MTMR3: variants seen among roughly 807,000 people sequenced by gnomAD.
The protein encoded by MTMR3 is myotubularin related protein 3.
In MTMR3, 32 loss-of-function variants were observed where a neutral mutation model predicts 132.4. That is an observed-to-expected ratio of 0.24 (90% CI 0.18 to 0.32). The LOEUF (loss-of-function observed/expected upper bound fraction) is 0.32, where lower values mean the gene tolerates loss of function less well. Ranked by LOEUF, MTMR3 falls within the 10% of genes least tolerant of loss-of-function variation. The pLI is 1.00. For missense variants in MTMR3, 1,216 were observed against 1,489.6 expected, an observed-to-expected ratio of 0.82 and a Z score of 3.02; for synonymous variants, 556 against 550.3, an observed-to-expected ratio of 1.01 and a Z score of -0.14.
chr22:30,012,628 A>C, intron 13 of MTMR3, 65 bp downstream of exon 13: 1 of 1,467,974 alleles, frequency 6.8e-7, no homozygotes, highest in Admixed American at 2.4e-5. Flanking sequence ...CTCAGGAGTG[A>C]TACCAGTTTT....
intron 4 of MTMR3, 33 bp downstream of exon 4, chr22:29,978,564 T>C: frequency 6.6e-7 from 1 of 1,519,006 alleles, no homozygotes; most frequent in Non-Finnish European, 9.1e-7. Flanking sequence ...TGTAAAATAT[T>C]TATTTAGCAT....
At chr22:29,886,094 G>A (rs555254118) in intron 1 of MTMR3, among the ~76,000 whole-genome samples, 4 of 152,238 alleles carry the variant, frequency 2.6e-5, no homozygotes, top group African/African-American at 9.6e-5. Flanking sequence ...TGTGCCCTCA[G>A]ATATTTTTTA....
chr22:29,930,832 T>C (rs2065627593), intron 1 of MTMR3, among the ~76,000 whole-genome samples: 1 of 152,036 alleles, frequency 6.6e-6, no homozygotes, highest in African/African-American at 2.4e-5. Context: ...GAGACCTGTC[T>C]CTACAAAAAT....
chr22:29,976,824 GTTAGTAAAACC>G (rs2066638560), intron 3 of MTMR3, among the ~76,000 whole-genome samples: 1 of 152,294 alleles, frequency 6.6e-6, no homozygotes, highest in African/African-American at 2.4e-5. Context: ...TATGGTTGCT[GTTAGTAAAACC>G]TTAAGTGTTG....
intron 1 of MTMR3, among the ~76,000 whole-genome samples, chr22:29,954,316 C>G (rs1245730518): frequency 6.6e-6 from 1 of 151,644 alleles, no homozygotes; most frequent in African/African-American, 2.4e-5. Context: ...GTTGTATAGG[C>G]TGGTCTCAAG....
rs1278846365 is a variant in MTMR3 at position 30,019,820 on chromosome 22, C to T, written c.2161C>T (p.Pro721Ser). The T allele has an allele frequency of 3.7e-6, 6 of 1,614,162 alleles. No individual in the cohort carries two copies. Among genetic ancestry groups the T allele is most frequent in the Non-Finnish European group, 5.1e-6 (6 of 1,180,028 alleles). Residue 721 changes from proline to serine, a missense_variant, in exon 17 of 20, where the codon CCT becomes TCT. Pro to Ser is a moderately conservative substitution (Grantham distance 74). Around this residue, in one of 7 missense-constraint regions of MTMR3, gnomAD observed 852 missense variants for 852.0 expected, o/e 1.00. Transcript: ENST00000401950. ...GIEIQEGKEDPLLEKESRRKT... is the reference protein window; with the variant it reads ...GIEIQEGKEDSLLEKESRRKT... ...TGAGATACAGGAGGGTAAAGAGGAC[C>T]CTCTCTTAGAAAAGGAGAGCAGGAG...
chr22:29,962,713 C>G (rs2066335479), intron 2 of MTMR3, among the ~76,000 whole-genome samples: 1 of 152,122 alleles, frequency 6.6e-6, no homozygotes, highest in Non-Finnish European at 1.5e-5. Flanking sequence ...CTGTCAACCT[C>G]TCTTACCGTC....
At chr22:29,949,520 A>C (rs566572285) in intron 1 of MTMR3, among the ~76,000 whole-genome samples, 17 of 145,356 alleles carry the variant, frequency 1.2e-4, no homozygotes, top group African/African-American at 3.8e-4. Context: ...AAAAAAAAAA[A>C]ACAACACACG....
chr22:29,915,466 G>C (rs1003750368), intron 1 of MTMR3, among the ~76,000 whole-genome samples: 1 of 152,056 alleles, frequency 6.6e-6, no homozygotes, highest in African/African-American at 2.4e-5. Context: ...CTGCCACCCA[G>C]GCTGGAGTGC....
chr22:29,922,664 T>C (rs781124147), intron 1 of MTMR3, among the ~76,000 whole-genome samples: 9 of 152,182 alleles, frequency 5.9e-5, no homozygotes, highest in Non-Finnish European at 1.2e-4. Flanking sequence ...TCCTTTTGGG[T>C]ATATACCGAG....
chr22:30,004,236 T>G (rs184938323), intron 9 of MTMR3: 10 of 152,320 alleles, frequency 6.6e-5, no homozygotes, highest in Admixed American at 5.2e-4. Flanking sequence ...TAGAGAGTAG[T>G]GAAAGCTGAA....
Position 29,950,772 on chromosome 22 carries a change from G to A in MTMR3, c.-137-6264G>A, listed in dbSNP as rs778399182. Among the ~76,000 whole-genome samples the A allele has an allele frequency of 8.7e-5, 12 of 137,242 alleles. No individual in the cohort carries two copies. In the East Asian group the frequency reaches 2.1e-3, roughly 24 times the overall value. The allele number at this position is 137,242 out of a possible 152,430, so 90.0% of individuals were successfully genotyped here. A position where few individuals can be genotyped will look rare whatever the true frequency, so the allele number is the denominator to read the frequency against. On this transcript the variant is annotated intron_variant, in intron 1 of 19. Coordinates refer to ENST00000401950, the MANE Select transcript of MTMR3 (RefSeq NM_021090.4). ...TGCCTACCTTGTGATATTTCATAGA[G>A]GACATAGATTCAGAAAATAACTTTA... is the stretch of plus-strand genomic sequence containing the variant.
intron 7 of MTMR3, chr22:29,993,313 T>A (rs1481692089): frequency 6.6e-6 from 1 of 152,376 alleles, no homozygotes; most frequent in South Asian, 2.1e-4. Flanking sequence ...TCATTTTTTA[T>A]GGCTCTTTTC....
At chr22:29,980,256 A>G (rs1369040761) in intron 5 of MTMR3, 1 of 151,612 alleles carries the variant, frequency 6.6e-6, no homozygotes, top group Non-Finnish European at 1.5e-5. Context: ...TCTTATTATC[A>G]TTCTTCTTTG....
chr22:29,976,732 C>T (rs1363631749), intron 3 of MTMR3, among the ~76,000 whole-genome samples: 2 of 152,078 alleles, frequency 1.3e-5, no homozygotes, highest in Admixed American at 6.6e-5. Flanking sequence ...GTTTTGACCT[C>T]GCAGGGCCCC....
chr22:30,002,721 G>A (rs1169664544), intron 8 of MTMR3, 159 bp from the exon 9 acceptor site: 5 of 574,530 alleles, frequency 8.7e-6, no homozygotes, highest in Non-Finnish European at 1.6e-5. Context: ...CTGTTGAGGA[G>A]TCCAAAACTC....
chr22:29,956,301 C>T (rs1011620673), intron 1 of MTMR3, among the ~76,000 whole-genome samples: 1 of 152,086 alleles, frequency 6.6e-6, no homozygotes, highest in African/African-American at 2.4e-5. Context: ...GGCTGGAGTG[C>T]AGTGGCGTGA....
At chr22:29,982,421 TC>T (rs2066767510) in intron 5 of MTMR3, 1 of 151,960 alleles carries the variant, frequency 6.6e-6, no homozygotes, top group Non-Finnish European at 1.5e-5. Context: ...CCTCTTTCCT[TC>T]CCTTAGCAAA....
Position 29,946,522 on chromosome 22 carries a change from G to A in MTMR3, c.-137-10514G>A, listed in dbSNP as rs2065956807. Reference sequence around the variant, plus strand: ...GCCTGTTCATGAATGGTTTCAGACTGTTAATGGATTAGAAAAATGTCTTAT... The same window carrying A: ...GCCTGTTCATGAATGGTTTCAGACTATTAATGGATTAGAAAAATGTCTTAT... On this transcript the variant is annotated intron_variant, in intron 1 of 19. Coordinates refer to ENST00000401950, the MANE Select transcript of MTMR3 (RefSeq NM_021090.4). Among the ~76,000 whole-genome samples, 2 of 152,186 alleles carry A rather than the reference G, an allele frequency of 1.3e-5. 1 individual carries two copies. The highest frequency in any genetic ancestry group is 4.1e-4 in the South Asian group (2 of 4,822).
Sources: gnomAD v4.1 joint callset for allele counts (sites outside exome capture counted in the v4.1 genomes callset) on GRCh38, gnomAD v4.1.1 for gene constraint, gnomAD v4.1.1 regional missense constraint, MANE v1.5 for transcripts, NCBI Gene and HGNC (gene_info 2026-07-23, HGNC 2026-07-21) for gene names.